COL5A1: variants seen among roughly 807,000 people sequenced by gnomAD.
COL5A1 encodes collagen type V alpha 1 chain, also known as collagen alpha-1(V) chain.
A neutral mutation model predicts 263.7 loss-of-function variants in COL5A1; 16 were observed. That is an observed-to-expected ratio of 0.06 (90% CI 0.04 to 0.09). The LOEUF is 0.09. COL5A1 is among the 10% of genes least tolerant of loss of function. COL5A1 has a pLI of 1.00. For synonymous variants in COL5A1, 1,012 were observed against 1,004.5 expected (o/e 1.01, Z -0.14); for missense variants, 2,036 against 2,540.5 (o/e 0.80, Z 4.27).
intron 35 of COL5A1, 75 bp from the exon 36 acceptor site, chr9:134,796,773 G>A (rs1480852073): frequency 8.7e-6 from 12 of 1,376,570 alleles, no homozygotes; most frequent in South Asian, 4.6e-5. Context: ...GAGAGCCACC[G>A]GCACAGGCAG....
Position 134,725,727 on chromosome 9 carries a change from C to T in COL5A1, c.655-1539C>T, listed in dbSNP as rs138886231. Among the ~76,000 whole-genome samples, 207 of 152,242 alleles carry T rather than the reference C, an allele frequency of 1.4e-3. 1 individual carries two copies. The Middle Eastern group carries it at 0.024, about 18-fold the overall frequency. On this transcript the variant is annotated intron_variant, in intron 4 of 65. Transcript: ENST00000371817. ...GAGTGTAGGCTGCTCACAATGAATC[C>T]GAAAGTTCAGTTGTTAGCAGTGTGG...
Position 134,820,148 on chromosome 9 carries a change from T to A in COL5A1, c.4479T>A (p.Pro1493=). 1 of 1,613,978 alleles carries A rather than the reference T, an allele frequency of 6.2e-7. No homozygotes were observed. The highest frequency in any genetic ancestry group is 8.5e-7 in the Non-Finnish European group (1 of 1,179,968). ...CAGGCCTGATCGGGCTCATCGGTCC[T>A]CCGGGTGAACAGGGTGAGAAGGGCG... ...GHPGLIGLIG[P]PGEQGEKGDR... Residue 1493 remains proline (P), a synonymous_variant, in exon 58 of 66, where the codon CCT becomes CCA. Transcript: ENST00000371817.
chr9:134,817,475 G>A (rs146962467), intron 53 of COL5A1, among the ~76,000 whole-genome samples: 29 of 152,330 alleles, frequency 1.9e-4, no homozygotes, highest in Non-Finnish European at 3.7e-4. Context: ...CACCCAGGAC[G>A]GAGGCCACAC....
chr9:134,779,974 T>G, intron 27 of COL5A1, 128 bp from the exon 28 acceptor site: 2 of 1,017,428 alleles, frequency 2.0e-6, no homozygotes, highest in Non-Finnish European at 3.1e-6. Context: ...AGGAAGTGTG[T>G]TGAGGGCAGG....
At position 134,687,517 on chromosome 9, in the gene COL5A1, C is replaced by A. The variant is rs187894879; in HGVS notation, c.110-3395C>A. On this transcript the variant is annotated intron_variant, in intron 1 of 65. Coordinates refer to ENST00000371817, the MANE Select transcript of COL5A1 (RefSeq NM_000093.5). ...ATCCATCCACCATGTGATGGACTGA[C>A]CCCATAGGTGATCCGGTCATGGCGA... Among the ~76,000 whole-genome samples the A allele has an allele frequency of 3.1e-3, 467 of 152,268 alleles. 2 individuals carry two copies. Among genetic ancestry groups the A allele is most frequent in the African/African-American group, 0.01 (426 of 41,540 alleles).
In COL5A1 at chr9:134,765,223, C is replaced by T. The variant is rs1302744911; in HGVS notation, c.2035-458C>T. 6.6e-6 allele frequency among the ~76,000 whole-genome samples: 1 copy of T among 152,206 alleles called. No homozygotes were observed. Among genetic ancestry groups the T allele is most frequent in the Non-Finnish European group, 1.5e-5 (1 of 68,018 alleles). ...GTTTCACCTGGTGCTCTCCTGCCCG[C>T]ACCCTCTGACCCTGTGATATCATAA... is the stretch of plus-strand genomic sequence containing the variant. On this transcript the variant is annotated intron_variant, in intron 20 of 65. Transcript: ENST00000371817. The surrounding 1 kb of genome is among the most constrained non-coding windows in gnomAD (Gnocchi z 5.1).
chr9:134,668,839 C>T lies in COL5A1; in HGVS notation c.110-22073C>T, dbSNP rs182402693. Among the ~76,000 whole-genome samples, 237 of 152,184 alleles carry T rather than the reference C, an allele frequency of 1.6e-3. 1 individual carries two copies. The highest frequency in any genetic ancestry group is 5.4e-3 in the African/African-American group (224 of 41,504). On this transcript the variant is annotated intron_variant, in intron 1 of 65. Coordinates refer to ENST00000371817, the MANE Select transcript of COL5A1 (RefSeq NM_000093.5). ...TCCACCCACCTATTCATTCAACCAA[C>T]CATCCAACTGTCCTTCCATCTATGT...
intron 1 of COL5A1, among the ~76,000 whole-genome samples, chr9:134,662,243 C>T (rs868409757): frequency 5.3e-5 from 8 of 152,034 alleles, no homozygotes; most frequent in African/African-American, 1.4e-4. Flanking sequence ...CAGTCGTGTA[C>T]GCGGCCAGCA....
intron 1 of COL5A1, among the ~76,000 whole-genome samples, chr9:134,661,568 G>A (rs919165401): frequency 6.6e-6 from 1 of 151,902 alleles, no homozygotes; most frequent in African/African-American, 2.4e-5. Context: ...GGCCAATAGG[G>A]AGCAGAGCTG....
At chr9:134,734,114 G>C (rs1835006108) in intron 9 of COL5A1, among the ~76,000 whole-genome samples, 1 of 152,014 alleles carries the variant, frequency 6.6e-6, no homozygotes, top group African/African-American at 2.4e-5. Flanking sequence ...TCCAGGAGGG[G>C]GTTGGGAGTG....
rs1406560030 is a variant in COL5A1, at chr9:134,696,348, T to A, written c.278-3561T>A. On this transcript the variant is annotated intron_variant, in intron 2 of 65. Transcript: ENST00000371817. This position sits in a 1 kb window ranked among gnomAD's most constrained non-coding sequence, Gnocchi z 4.3. ...GCCACCACACCCGGCTAATTTTTTTTATATTTTTGGCAGAGACAGGGATTC... is the reference window on the plus strand; with the variant it reads ...GCCACCACACCCGGCTAATTTTTTTAATATTTTTGGCAGAGACAGGGATTC... Among the ~76,000 whole-genome samples the A allele has an allele frequency of 4.6e-5, 7 of 152,104 alleles. No individual in the cohort carries two copies. The highest frequency in any genetic ancestry group is 9.7e-5 in the African/African-American group (4 of 41,416).
rs531717302 is a variant in COL5A1, at chr9:134,711,781, T to A, written c.654+10448T>A. Among the ~76,000 whole-genome samples, 7 of 152,122 alleles carry A rather than the reference T, an allele frequency of 4.6e-5. 1 individual carries two copies. In the South Asian group the frequency reaches 1.5e-3, roughly 32 times the overall value. Reference sequence around the variant, plus strand: ...GTCTCCTTATTCTCATGACCCCTTCTTGCATCTCCTGATCCAAATCCCCGC... The same window carrying A: ...GTCTCCTTATTCTCATGACCCCTTCATGCATCTCCTGATCCAAATCCCCGC... On this transcript the variant is annotated intron_variant, in intron 4 of 65. Coordinates refer to ENST00000371817, the MANE Select transcript of COL5A1 (RefSeq NM_000093.5).
At position 134,647,946 on chromosome 9, in the gene COL5A1, A is replaced by T. The variant is rs1356054204; in HGVS notation, c.109+5650A>T. Reference sequence around the variant, plus strand: ...ACTGAGTGTCAATTTGATTGGATTGAAGGATACAAGTATTAATCCTGCGTG... The same window carrying T: ...ACTGAGTGTCAATTTGATTGGATTGTAGGATACAAGTATTAATCCTGCGTG... On this transcript the variant is annotated intron_variant, in intron 1 of 65. Coordinates refer to ENST00000371817, the MANE Select transcript of COL5A1 (RefSeq NM_000093.5). The surrounding 1 kb of genome is among the most constrained non-coding windows in gnomAD (Gnocchi z 5.0). Among the ~76,000 whole-genome samples the T allele has an allele frequency of 1.3e-5, 2 of 152,104 alleles. No homozygotes were observed. Among genetic ancestry groups the T allele is most frequent in the Non-Finnish European group, 2.9e-5 (2 of 68,030 alleles).
Position 134,674,970 on chromosome 9 carries a change from C to T in COL5A1, c.110-15942C>T, listed in dbSNP as rs78848295. 7.4e-3 allele frequency among the ~76,000 whole-genome samples: 1,125 copies of T among 152,252 alleles called. 12 individuals carry two copies. The highest frequency in any genetic ancestry group is 0.032 in the East Asian group (165 of 5,188). ...CACAAATGCCTTGAGCATTTCCTCA[C>T]GTTTCAATATTCCCTTATTAATACT... is the stretch of plus-strand genomic sequence containing the variant. On this transcript the variant is annotated intron_variant, in intron 1 of 65. Coordinates refer to ENST00000371817, the MANE Select transcript of COL5A1 (RefSeq NM_000093.5).
chr9:134,777,239 A>C (rs1037667929), intron 27 of COL5A1, among the ~76,000 whole-genome samples: 4 of 152,176 alleles, frequency 2.6e-5, no homozygotes, highest in African/African-American at 9.7e-5. Flanking sequence ...ATATGAGTTC[A>C]CATCCAGGCC....
intron 63 of COL5A1, among the ~76,000 whole-genome samples, chr9:134,827,417 T>A (rs1263322286): frequency 1.3e-5 from 2 of 152,208 alleles, no homozygotes; most frequent in Non-Finnish European, 2.9e-5. Context: ...TGACAAACCC[T>A]GTTCAGAGAG....
At chr9:134,749,682 A>C (rs117794224) in intron 11 of COL5A1, among the ~76,000 whole-genome samples, 4,816 of 152,294 alleles carry the variant, frequency 0.032, 111 homozygotes, top group Middle Eastern at 0.048. Context: ...CATCCGCTAC[A>C]CTGGAGTGTA....
intron 13 of COL5A1, among the ~76,000 whole-genome samples, chr9:134,751,217 C>T (rs184112575): frequency 0.03 from 4,496 of 150,584 alleles, 110 homozygotes; most frequent in Non-Finnish European, 0.045. Flanking sequence ...GTAGGGACCC[C>T]GAGAGCGTGT....
At chr9:134,823,386 C>T (rs1175189695) in intron 60 of COL5A1, 30 bp from the exon 61 acceptor site, 1 of 1,613,706 alleles carries the variant, frequency 6.2e-7, no homozygotes. Context: ...ACCTCTGTGA[C>T]CAAGGGTTGA....
Sources: gnomAD v4.1 joint callset for allele counts (sites outside exome capture counted in the v4.1 genomes callset) on GRCh38, gnomAD v4.1.1 for gene constraint, Gnocchi (gnomAD v3.1) non-coding constraint, MANE v1.5 for transcripts, NCBI Gene and HGNC (gene_info 2026-07-23, HGNC 2026-07-21) for gene names.